The following ADAM12 variants were observed in gnomAD, a reference collection of about 807,000 sequenced individuals.
ADAM12 encodes the protein disintegrin and metalloproteinase domain-containing protein 12.
A neutral mutation model predicts 106.4 loss-of-function variants in ADAM12; 70 were observed. That is an observed-to-expected ratio of 0.66 (90% CI 0.54 to 0.80). The LOEUF (loss-of-function observed/expected upper bound fraction) is 0.80. Ranked by LOEUF, ADAM12 falls within the 30% of genes least tolerant of loss-of-function variation. The pLI is 0.00. For missense variants in ADAM12, 1,010 were observed against 1,171.9 expected (o/e 0.86, Z 2.02); for synonymous variants, 420 against 433.5 (o/e 0.97, Z 0.39).
At position 126,254,508 on chromosome 10, in the gene ADAM12, C is replaced by T. The variant is rs187158600; in HGVS notation, c.260+24407G>A. Among the ~76,000 whole-genome samples the T allele has an allele frequency of 1.2e-4, 19 of 152,318 alleles. No homozygotes were observed. In the South Asian group the frequency reaches 3.5e-3, roughly 28 times the overall value. ...GATGCAGTCTTGGCCTCTTCCCCTG[C>T]GGATGCTCTCCTCATCTCCTCTTGC... On this transcript the variant is annotated intron_variant, in intron 3 of 22. Coordinates refer to ENST00000448723, the MANE Select transcript of ADAM12 (RefSeq NM_001288973.2).
chr10:126,156,649 A>C (rs553533344), intron 3 of ADAM12, among the ~76,000 whole-genome samples: 1 of 152,236 alleles, frequency 6.6e-6, no homozygotes, highest in Admixed American at 6.5e-5. Context: ...ATCCTCCAGC[A>C]GTAACACTTC....
At chr10:126,241,951 G>C (rs1417309895) in intron 3 of ADAM12, among the ~76,000 whole-genome samples, 1 of 148,262 alleles carries the variant, frequency 6.7e-6, no homozygotes, top group East Asian at 2.0e-4. Flanking sequence ...GGTACACTTT[G>C]TAAAACAGAG....
At chr10:126,176,850 G>T (rs1554981893) in intron 3 of ADAM12, among the ~76,000 whole-genome samples, 1 of 152,114 alleles carries the variant, frequency 6.6e-6, no homozygotes, top group Non-Finnish European at 1.5e-5. Context: ...TCCCTCTAAG[G>T]GTTTACTGCC....
intron 3 of ADAM12, among the ~76,000 whole-genome samples, chr10:126,251,759 G>GGATGGGAT (rs1458299950): frequency 6.6e-6 from 1 of 152,204 alleles, no homozygotes; most frequent in Non-Finnish European, 1.5e-5. Context: ...TTGGATGGAT[G>GGATGGGAT]GATGGGATGA....
chr10:126,278,094 G>A (rs1379880824), intron 3 of ADAM12, among the ~76,000 whole-genome samples: 1 of 152,158 alleles, frequency 6.6e-6, no homozygotes, highest in Non-Finnish European at 1.5e-5. Context: ...GATGGGTGAG[G>A]AACAGGAACC....
intron 21 of ADAM12, among the ~76,000 whole-genome samples, chr10:126,020,325 C>T (rs1214054564): frequency 3.3e-5 from 5 of 152,130 alleles, no homozygotes; most frequent in Non-Finnish European, 7.3e-5. Context: ...GCTCTGAAGG[C>T]TCCGCGAAAT....
chr10:126,297,373 T>G (rs959377528), intron 2 of ADAM12, among the ~76,000 whole-genome samples: 2 of 152,040 alleles, frequency 1.3e-5, no homozygotes, highest in Non-Finnish European at 2.9e-5. Context: ...CAAAAACCCA[T>G]CTCTACAAAA....
rs376329315 is a variant in ADAM12, at chr10:126,171,253, G to A, written c.261-15948C>T. Among the ~76,000 whole-genome samples the A allele has an allele frequency of 7.4e-4, 112 of 152,140 alleles. 4 individuals are homozygous for A. In the South Asian group the frequency reaches 0.021, roughly 29 times the overall value. ...TTTCATTATGCTTCGGCTAGGCAGGGTAATTCTTATGAATTACCTTGTTGA... is the reference window on the plus strand; with the variant it reads ...TTTCATTATGCTTCGGCTAGGCAGGATAATTCTTATGAATTACCTTGTTGA... On this transcript the variant is annotated intron_variant, in intron 3 of 22. Coordinates refer to ENST00000448723, the MANE Select transcript of ADAM12 (RefSeq NM_001288973.2).
At chr10:126,150,862 G>C (rs1212383514) in intron 4 of ADAM12, among the ~76,000 whole-genome samples, 1 of 152,104 alleles carries the variant, frequency 6.6e-6, no homozygotes, top group South Asian at 2.1e-4. Context: ...GTATGGAAAG[G>C]TTTCATCCCC....
intron 3 of ADAM12, among the ~76,000 whole-genome samples, chr10:126,262,129 A>T (rs947803080): frequency 2.6e-5 from 4 of 152,186 alleles, no homozygotes; most frequent in African/African-American, 9.7e-5. Context: ...AAAATGAGTC[A>T]TTGCATTCTA....
chr10:126,388,097 C>T lies in ADAM12; in HGVS notation c.49G>A (p.Ala17Thr). The change falls in exon 1 of 23, where the codon GCC (alanine) becomes ACC (threonine). Residue 17 changes from alanine to threonine, a missense_variant. Physicochemically the swap from Ala to Thr is moderately conservative, Grantham distance 58 (BLOSUM62 0). Around this residue, in one of 3 missense-constraint regions of ADAM12, gnomAD observed 391 missense variants for 442.9 expected, o/e 0.88. Coordinates refer to ENST00000448723, the MANE Select transcript of ADAM12 (RefSeq NM_001288973.2). This position sits in a 1 kb window ranked among gnomAD's most constrained non-coding sequence, Gnocchi z 4.4. ...GGCGCGAGCAGAGCACCGGCCAGGG[C>T]GAGCAGGAGGGCGCGGGCGGGGGAC... Reference protein sequence around the residue: ...PVSPARALLLALAGALLAPCE... With the variant: ...PVSPARALLLTLAGALLAPCE... The T allele has an allele frequency of 1.6e-6, 2 of 1,234,482 alleles. No individual in the cohort carries two copies. Among genetic ancestry groups the T allele is most frequent in the Non-Finnish European group, 2.0e-6 (2 of 988,396 alleles). The allele number at this position is 1,234,482 out of a possible 1,614,324, so 76.5% of individuals were successfully genotyped here. A position where few individuals can be genotyped will look rare whatever the true frequency, so the allele number is the denominator to read the frequency against.
At chr10:126,156,712 G>T (rs149255207) in intron 3 of ADAM12, among the ~76,000 whole-genome samples, 1 of 152,342 alleles carries the variant, frequency 6.6e-6, no homozygotes, top group East Asian at 1.9e-4. Flanking sequence ...AAGGCTTTGC[G>T]TAGGGATCCG....
At chr10:126,230,135 C>T (rs113216877) in intron 3 of ADAM12, among the ~76,000 whole-genome samples, 5,330 of 152,204 alleles carry the variant, frequency 0.035, 345 homozygotes, top group African/African-American at 0.12. Flanking sequence ...GGGAAGGTTC[C>T]TTTTCTGTGT....
chr10:126,234,299 C>A (rs1424797131), intron 3 of ADAM12, among the ~76,000 whole-genome samples: 1 of 152,058 alleles, frequency 6.6e-6, no homozygotes, highest in Non-Finnish European at 1.5e-5. Context: ...ATAAGAAAAG[C>A]AATAATAGTT....
At chr10:126,251,627 T>TAGGAC (rs1469717331) in intron 3 of ADAM12, among the ~76,000 whole-genome samples, 1 of 75,216 alleles carries the variant, frequency 1.3e-5, no homozygotes, top group African/African-American at 4.9e-5. Context: ...GATAGATGAA[T>TAGGAC]GGATGGGATG....
At position 126,016,302 on chromosome 10, in the gene ADAM12, A is replaced by G. The variant is rs1953660001; in HGVS notation, c.*977T>C. The G allele has an allele frequency of 6.6e-6, 1 of 152,154 alleles. No homozygotes were observed. 9.4% of individuals were successfully genotyped at this position (152,154 alleles called of 1,614,324 possible). On this transcript the variant is annotated 3_prime_UTR_variant, in exon 23 of 23. Transcript: ENST00000448723. ...AGATCTGGTTAATGGTTCACATCTG[A>G]AAATAGTTGTGGTCCCATGGAAAGC...
intron 1 of ADAM12, among the ~76,000 whole-genome samples, chr10:126,365,484 G>A (rs1006738188): frequency 1.3e-5 from 2 of 152,126 alleles, no homozygotes; most frequent in Non-Finnish European, 2.9e-5. Flanking sequence ...AGAAATGCCC[G>A]AGACTGGGTA....
intron 2 of ADAM12, among the ~76,000 whole-genome samples, chr10:126,291,670 C>T (rs573013360): frequency 1.1e-4 from 16 of 152,208 alleles, no homozygotes; most frequent in African/African-American, 3.6e-4. Flanking sequence ...CAGAGGTGCA[C>T]GCTGAGGCTG....
rs373669347 is a variant in ADAM12 at position 126,043,937 on chromosome 10, C to T, written c.1996-789G>A. Among the ~76,000 whole-genome samples the T allele has an allele frequency of 1.8e-4, 28 of 152,208 alleles. No homozygotes were observed. The highest frequency in any genetic ancestry group is 1.7e-3 in the East Asian group (9 of 5,158). On this transcript the variant is annotated intron_variant, in intron 17 of 22. Transcript: ENST00000448723. The surrounding 1 kb of genome is among the most constrained non-coding windows in gnomAD (Gnocchi z 4.1). The stretch of plus-strand genomic sequence containing the variant: ...AGGCTGTGCTTCACCCTTGTTGGGC[C>T]CAGCTCATAGACCAGAGCATTCCAT...
Sources: gnomAD v4.1 joint callset for allele counts (sites outside exome capture counted in the v4.1 genomes callset) on GRCh38, gnomAD v4.1.1 for gene constraint, gnomAD v4.1.1 regional missense constraint, Gnocchi (gnomAD v3.1) non-coding constraint, MANE v1.5 for transcripts, NCBI Gene and HGNC (gene_info 2026-07-23, HGNC 2026-07-21) for gene names.